Variants in MEGF6 observed in about 807,000 individuals in gnomAD.
MEGF6 encodes the protein multiple EGF like domains 6.
MEGF6 carries 184 observed loss-of-function variants against 207.1 expected under a neutral mutation model. That is an observed-to-expected ratio of 0.89 (90% CI 0.79 to 1.00). The LOEUF (loss-of-function observed/expected upper bound fraction) is 1.00, where lower values mean the gene tolerates loss of function less well. Ranked by LOEUF, MEGF6 falls within the 50% of genes least tolerant of loss-of-function variation. The pLI, the probability that MEGF6 is intolerant of heterozygous loss-of-function variation, is 0.00. For missense variants in MEGF6, 2,282 were observed against 2,202.9 expected, an observed-to-expected ratio of 1.04 and a Z score of -0.72; for synonymous variants, 1,038 against 910.0, an observed-to-expected ratio of 1.14 and a Z score of -2.53.
At chr1:3,581,062 G>C (rs980169331) in intron 3 of MEGF6, among the ~76,000 whole-genome samples, 1 of 152,118 alleles carries the variant, frequency 6.6e-6, no homozygotes. Flanking sequence ...GGCTGTGCCC[G>C]GTGGGGAAAC....
intron 3 of MEGF6, among the ~76,000 whole-genome samples, chr1:3,587,425 T>C (rs1465881715): frequency 6.6e-6 from 1 of 152,284 alleles, no homozygotes; most frequent in Non-Finnish European, 1.5e-5. Context: ...CCTATCTCTT[T>C]TTCTCCCGGT....
At chr1:3,610,144 CTT>C (rs1262772868) in intron 1 of MEGF6, among the ~76,000 whole-genome samples, 3 of 152,250 alleles carry the variant, frequency 2.0e-5, no homozygotes, top group Non-Finnish European at 4.4e-5. Context: ...GACAGCATGG[CTT>C]TGAAAAGGCC....
At chr1:3,615,770 G>C (rs906701126), upstream of MEGF6, among the ~76,000 whole-genome samples, 1 of 152,144 alleles carries the variant, frequency 6.6e-6, no homozygotes, top group Non-Finnish European at 1.5e-5. Flanking sequence ...TATCCAGTGG[G>C]CTCAGCTCTC....
At chr1:3,567,710 G>A (rs551212205) in intron 4 of MEGF6, among the ~76,000 whole-genome samples, 83 of 152,354 alleles carry the variant, frequency 5.4e-4, no homozygotes, top group African/African-American at 1.9e-3. Context: ...CTGCAGGCCG[G>A]GGTTGTCCAG....
intron 32 of MEGF6, 30 bp from the exon 33 acceptor site, chr1:3,494,154 G>A (rs1426305251): frequency 3.9e-6 from 6 of 1,527,796 alleles, no homozygotes; most frequent in Non-Finnish European, 5.3e-6. Context: ...ACGAGACAAG[G>A]GCACACGGTG....
At position 3,575,963 on chromosome 1, in the gene MEGF6, C is replaced by T. The variant is rs113990676; in HGVS notation, c.481+3862G>A. Among the ~76,000 whole-genome samples the T allele has an allele frequency of 2.3e-3, 355 of 151,286 alleles. 1 individual carries two copies. The highest frequency in any genetic ancestry group is 3.9e-3 in the Non-Finnish European group (263 of 67,708). On this transcript the variant is annotated intron_variant, in intron 4 of 36. Coordinates refer to ENST00000356575, the MANE Select transcript of MEGF6 (RefSeq NM_001409.4). ...TCCGGGCCTCACCTACGTGGACTCA[C>T]GCAACCTGCACAAAACATCGCCAAA...
rs775529251 is a variant in MEGF6, at chr1:3,524,229, T to A, written c.499A>T (p.Thr167Ser). ...RCQYDVDECR[T>S]HNGGCQHRCV... ...CGGTGCTGGCAGCCACCGTTGTGGG[T>A]TCGGCATTCGTCCACATCTGAGCAG... The change falls in exon 5 of 37, where the codon ACC (threonine) becomes TCC (serine). Residue 167 changes from threonine (T) to serine (S), a missense_variant. Transcript: ENST00000356575. 5.0e-6 allele frequency: 8 copies of A among 1,612,394 alleles called. No individual in the cohort carries two copies. The East Asian group carries it at 1.8e-4, about 36-fold the overall frequency.
intron 4 of MEGF6, among the ~76,000 whole-genome samples, chr1:3,553,477 C>T (rs1642946521): frequency 6.6e-6 from 1 of 152,180 alleles, no homozygotes; most frequent in Non-Finnish European, 1.5e-5. Flanking sequence ...AGGATAGAGG[C>T]TGGAGCCACG....
chr1:3,576,723 C>T (rs1413725058), intron 4 of MEGF6, among the ~76,000 whole-genome samples: 2 of 150,120 alleles, frequency 1.3e-5, no homozygotes, highest in South Asian at 4.3e-4. Context: ...CAGTCCTGCA[C>T]CCTCAGCCCT....
At chr1:3,596,094 G>A (rs1318135703) in intron 2 of MEGF6, among the ~76,000 whole-genome samples, 2 of 152,232 alleles carry the variant, frequency 1.3e-5, no homozygotes, top group South Asian at 2.1e-4. Context: ...AGCAGCAGGA[G>A]GACCTGTGTG....
chr1:3,567,284 C>A (rs1391002624), intron 4 of MEGF6, among the ~76,000 whole-genome samples: 1 of 152,232 alleles, frequency 6.6e-6, no homozygotes, highest in Admixed American at 6.5e-5. Flanking sequence ...CCCGCCAGGG[C>A]TCACCCAGCC....
chr1:3,564,224 G>A (rs1643283561), intron 4 of MEGF6, among the ~76,000 whole-genome samples: 1 of 151,272 alleles, frequency 6.6e-6, no homozygotes, highest in Admixed American at 6.6e-5. Flanking sequence ...GGGCTGAGTC[G>A]GGGTGGGGGA....
the MEGF6 span, among the ~76,000 whole-genome samples, chr1:3,617,479 A>G: frequency 6.6e-6 from 1 of 152,024 alleles, no homozygotes; most frequent in Non-Finnish European, 1.5e-5. Context: ...GGGCCTGTGG[A>G]GGGGTGGTGG....
At chr1:3,493,407 C>A in intron 34 of MEGF6, 1 of 332,086 alleles carries the variant, frequency 3.0e-6, no homozygotes, top group African/African-American at 2.1e-5. Flanking sequence ...CCCTCCTATC[C>A]TCAGGTGGGG....
chr1:3,541,003 G>A (rs1210693431), intron 4 of MEGF6, among the ~76,000 whole-genome samples: 5 of 152,234 alleles, frequency 3.3e-5, no homozygotes, highest in African/African-American at 7.2e-5. Flanking sequence ...CAGCTAGAAA[G>A]GGGAGATGGC....
rs562352089 is a variant in MEGF6, at chr1:3,501,604, G to A, written c.2314+192C>T. On this transcript the variant is annotated intron_variant, in intron 18 of 36. Transcript: ENST00000356575. ...AGGGAGCAGCCCGAGAGGGCAGCCT[G>A]GAAGCCCCAGGAACTTGGTGGGGCA... Among the ~76,000 whole-genome samples the A allele has an allele frequency of 2.0e-5, 3 of 152,238 alleles. No homozygotes were observed. In the East Asian group the frequency reaches 5.8e-4, roughly 29 times the overall value.
chr1:3,527,367 G>A (rs761330481), intron 4 of MEGF6, among the ~76,000 whole-genome samples: 2 of 152,244 alleles, frequency 1.3e-5, no homozygotes, highest in Admixed American at 6.5e-5. Flanking sequence ...CTGCAACCCA[G>A]AGATGACACG....
chr1:3,541,080 C>T (rs998185180), intron 4 of MEGF6, among the ~76,000 whole-genome samples: 20 of 152,184 alleles, frequency 1.3e-4, no homozygotes, highest in African/African-American at 4.8e-4. Context: ...AGGCTGGGGC[C>T]CTGGACTTCA....
At chr1:3,601,207 A>G (rs925929681) in intron 2 of MEGF6, among the ~76,000 whole-genome samples, 4 of 152,154 alleles carry the variant, frequency 2.6e-5, no homozygotes, top group African/African-American at 9.7e-5. Flanking sequence ...GGCCACCAGC[A>G]CTCTCTCCAG....
Sources: gnomAD v4.1 joint callset for allele counts (sites outside exome capture counted in the v4.1 genomes callset) on GRCh38, gnomAD v4.1.1 for gene constraint, MANE v1.5 for transcripts, NCBI Gene and HGNC (gene_info 2026-07-23, HGNC 2026-07-21) for gene names.